RBFOX3: variants seen among roughly 807,000 people sequenced by gnomAD.
RBFOX3 encodes the protein RNA binding fox-1 homolog 3, also known as RNA binding protein fox-1 homolog 3.
Under a neutral mutation model 48.7 loss-of-function variants are expected in RBFOX3, and 17 were observed. That is an observed-to-expected ratio of 0.35 (90% confidence interval 0.24 to 0.52). The LOEUF (loss-of-function observed/expected upper bound fraction) is 0.52. Ranked by LOEUF, RBFOX3 falls within the 20% of genes least tolerant of loss-of-function variation. The probability of loss-of-function intolerance (pLI) is 0.94; values close to 1 mark genes in which losing one functional copy is unlikely to be tolerated. For missense variants in RBFOX3, 382 were observed against 497.5 expected (o/e 0.77, Z 2.21); for synonymous variants, 212 against 209.5 (o/e 1.01, Z -0.10).
At chr17:79,356,386 T>TGAG (rs945539480) in intron 2 of RBFOX3, among the ~76,000 whole-genome samples, 1 of 103,704 alleles carries the variant, frequency 9.6e-6, no homozygotes, top group Non-Finnish European at 1.8e-5. Flanking sequence ...TTTTTTTTTT[T>TGAG]GAGGAGGAGT....
intron 2 of RBFOX3, among the ~76,000 whole-genome samples, chr17:79,323,320 C>G (rs773018524): frequency 4.6e-5 from 7 of 152,152 alleles, no homozygotes; most frequent in African/African-American, 9.7e-5. Flanking sequence ...TTTCCAGGAG[C>G]CACTTACTCT....
intron 4 of RBFOX3, among the ~76,000 whole-genome samples, chr17:79,129,813 G>A (rs1457707792): frequency 6.6e-6 from 1 of 152,246 alleles, no homozygotes; most frequent in Non-Finnish European, 1.5e-5. Flanking sequence ...GGTGCAGCTG[G>A]GAAGAGATAC....
At chr17:79,295,521 C>T (rs1435551919) in intron 3 of RBFOX3, among the ~76,000 whole-genome samples, 1 of 152,108 alleles carries the variant, frequency 6.6e-6, no homozygotes, top group African/African-American at 2.4e-5. Context: ...CAGGGGCTTC[C>T]CACAGACAGC....
At chr17:79,448,710 T>C (rs903908430) in intron 2 of RBFOX3, among the ~76,000 whole-genome samples, 1 of 152,132 alleles carries the variant, frequency 6.6e-6, no homozygotes, top group Non-Finnish European at 1.5e-5. Flanking sequence ...TGCAGGTCAC[T>C]CATACAGACA....
the RBFOX3 span, among the ~76,000 whole-genome samples, chr17:79,657,897 G>A: frequency 1.3e-5 from 2 of 152,168 alleles, no homozygotes; most frequent in African/African-American, 2.4e-5. Context: ...TAACACCAAG[G>A]AGAAGGCCCA....
intron 2 of RBFOX3, among the ~76,000 whole-genome samples, chr17:79,360,499 A>G (rs1268614998): frequency 6.6e-6 from 1 of 152,214 alleles, no homozygotes; most frequent in Non-Finnish European, 1.5e-5. Context: ...GGACGTGAAC[A>G]GTTTTCTTGA....
chr17:79,548,595 T>C (rs1208838960), intron 1 of RBFOX3, among the ~76,000 whole-genome samples: 1 of 152,212 alleles, frequency 6.6e-6, no homozygotes, highest in Non-Finnish European at 1.5e-5. Flanking sequence ...CATCAGATGC[T>C]GGAGAGGGGC....
intron 4 of RBFOX3, among the ~76,000 whole-genome samples, chr17:79,222,112 T>C (rs760286343): frequency 3.9e-5 from 6 of 152,232 alleles, no homozygotes; most frequent in Admixed American, 6.5e-5. Context: ...TGATTTCTAC[T>C]GCTGCTTGAT....
intron 4 of RBFOX3, among the ~76,000 whole-genome samples, chr17:79,164,885 T>C (rs763092706): frequency 4.6e-5 from 7 of 152,130 alleles, no homozygotes; most frequent in Non-Finnish European, 8.8e-5. Context: ...CTCGCCCCTC[T>C]TCTCCCTGCA....
At chr17:79,472,496 T>C (rs2077175986) in intron 2 of RBFOX3, among the ~76,000 whole-genome samples, 1 of 152,090 alleles carries the variant, frequency 6.6e-6, no homozygotes, top group Non-Finnish European at 1.5e-5. Flanking sequence ...AGAAGAAGAT[T>C]AGGACACAGA....
chr17:79,279,494 T>A (rs1373210597), intron 3 of RBFOX3, among the ~76,000 whole-genome samples: 1 of 152,154 alleles, frequency 6.6e-6, no homozygotes, highest in African/African-American at 2.4e-5. Flanking sequence ...GGTACGGCAC[T>A]GTCACGGCGG....
chr17:79,486,012 C>A (rs797033619), intron 1 of RBFOX3, among the ~76,000 whole-genome samples: 3 of 152,266 alleles, frequency 2.0e-5, no homozygotes, highest in Admixed American at 1.3e-4. Context: ...CCTCCGCGTG[C>A]GCTCCTGTAC....
rs535599413 is a variant in RBFOX3 at position 79,116,756 on chromosome 17, C to T, written c.-33-1008G>A. ...CTGTCTGTGCCCCCTCAAAGGCCTGCTGCCCCAAGCGGGGAATACTGCTCC... is the reference window on the plus strand; with the variant it reads ...CTGTCTGTGCCCCCTCAAAGGCCTGTTGCCCCAAGCGGGGAATACTGCTCC... On this transcript the variant is annotated intron_variant, in intron 4 of 14. Coordinates refer to ENST00000693108, the MANE Select transcript of RBFOX3 (RefSeq NM_001350451.2). Among the ~76,000 whole-genome samples, 16 of 152,370 alleles carry T rather than the reference C, an allele frequency of 1.1e-4. No individual in the cohort carries two copies. The South Asian group carries it at 3.3e-3, about 32-fold the overall frequency.
rs372777655 is a variant in RBFOX3, at chr17:79,482,219, G to C, written c.-175+235C>G. ...CCCCGCAGCCAGGCTGATGGGCTTC[G>C]AGGTACAAAGAGCGGTCACTCCTTA... is the stretch of plus-strand genomic sequence containing the variant. On this transcript the variant is annotated intron_variant, in intron 2 of 14. Transcript: ENST00000693108. The surrounding 1 kb of genome is among the most constrained non-coding windows in gnomAD (Gnocchi z 4.1). Among the ~76,000 whole-genome samples the C allele has an allele frequency of 6.6e-6, 1 of 151,986 alleles. No individual in the cohort carries two copies. Among genetic ancestry groups the C allele is most frequent in the African/African-American group, 2.4e-5 (1 of 41,454 alleles).
intron 2 of RBFOX3, among the ~76,000 whole-genome samples, chr17:79,470,788 C>T (rs1477760265): frequency 1.3e-5 from 2 of 152,212 alleles, no homozygotes; most frequent in African/African-American, 2.4e-5. Flanking sequence ...ACAAATAAGA[C>T]TTCAAAGAAA....
chr17:79,097,248 C>T (rs752148907), intron 11 of RBFOX3, 44 bp downstream of exon 11: 71 of 1,478,018 alleles, frequency 4.8e-5, no homozygotes, highest in Non-Finnish European at 6.1e-5. Flanking sequence ...TCCTCCCCGC[C>T]GTCCTACCCC....
At chr17:79,143,422 T>C (rs1305673876) in intron 4 of RBFOX3, among the ~76,000 whole-genome samples, 1 of 147,848 alleles carries the variant, frequency 6.8e-6, no homozygotes, top group Non-Finnish European at 1.5e-5. Flanking sequence ...TTTCTCCTTC[T>C]CCAAGCCAGC....
At chr17:79,368,989 T>C (rs2058153938) in intron 2 of RBFOX3, among the ~76,000 whole-genome samples, 1 of 152,066 alleles carries the variant, frequency 6.6e-6, no homozygotes. Flanking sequence ...TCCCAGTCAC[T>C]CGCTCACCGC....
intron 4 of RBFOX3, among the ~76,000 whole-genome samples, chr17:79,218,136 G>C (rs1248644127): frequency 6.6e-6 from 1 of 152,126 alleles, no homozygotes; most frequent in Non-Finnish European, 1.5e-5. Flanking sequence ...AGTTTTCAAG[G>C]CTCATTTTTG....
Sources: allele counts gnomAD v4.1 joint callset (sites outside exome capture counted in the v4.1 genomes callset), GRCh38; gene constraint gnomAD v4.1.1; non-coding constraint Gnocchi (gnomAD v3.1); transcripts MANE v1.5; gene names NCBI Gene and HGNC (gene_info 2026-07-23, HGNC 2026-07-21).